The following ANK3 variants were observed in gnomAD, a reference collection of about 807,000 sequenced individuals.
ANK3 encodes ankyrin-3.
ANK3 carries 57 observed loss-of-function variants against 370.9 expected under a neutral mutation model. The ratio of observed to expected loss-of-function variants is 0.15; its 90% CI spans 0.12 to 0.19. The LOEUF is 0.19. Ranked by LOEUF, ANK3 falls within the 10% of genes least tolerant of loss-of-function variation. The pLI is 1.00. For synonymous variants in ANK3, 1,929 were observed against 1,946.3 expected, an observed-to-expected ratio of 0.99 and a Z score of 0.23; for missense variants, 4,439 against 5,302.1, an observed-to-expected ratio of 0.84 and a Z score of 5.06.
intron 25 of ANK3, among the ~76,000 whole-genome samples, chr10:60,124,727 C>A (rs1211467348): frequency 1.3e-5 from 2 of 152,130 alleles, no homozygotes; most frequent in African/African-American, 4.8e-5. Context: ...GGCACTATTG[C>A]CTAGTGGCCA....
At chr10:60,717,702 T>G (rs1381780145) in intron 1 of ANK3, among the ~76,000 whole-genome samples, 1 of 152,214 alleles carries the variant, frequency 6.6e-6, no homozygotes, top group Non-Finnish European at 1.5e-5. Flanking sequence ...AAACTCAGAT[T>G]AGTCTGACTC....
chr10:60,283,954 G>A (rs1433305775), intron 1 of ANK3, among the ~76,000 whole-genome samples: 1 of 152,048 alleles, frequency 6.6e-6, no homozygotes, highest in Non-Finnish European at 1.5e-5. Flanking sequence ...AAGTAATGTA[G>A]TGGGTTGAAT....
intron 1 of ANK3, among the ~76,000 whole-genome samples, chr10:60,310,615 A>T (rs967786805): frequency 6.6e-6 from 1 of 152,220 alleles, no homozygotes. Context: ...TAATAAATCA[A>T]TGTGACGGTG....
chr10:60,691,903 C>T (rs573518678), intron 1 of ANK3, among the ~76,000 whole-genome samples: 7 of 152,228 alleles, frequency 4.6e-5, no homozygotes, highest in South Asian at 2.1e-4. Context: ...TGTACCTGTG[C>T]CAAAAACTGA....
intron 8 of ANK3, among the ~76,000 whole-genome samples, chr10:60,229,420 T>C (rs1320483097): frequency 6.6e-6 from 1 of 152,236 alleles, no homozygotes; most frequent in Non-Finnish European, 1.5e-5. Context: ...GGATTTATTT[T>C]TAACTTTGGA....
intron 1 of ANK3, among the ~76,000 whole-genome samples, chr10:60,321,944 G>A (rs1042528098): frequency 6.6e-6 from 1 of 152,094 alleles, no homozygotes; most frequent in Non-Finnish European, 1.5e-5. Context: ...TGGGGGGTGC[G>A]AGCTGGCAGA....
At chr10:60,537,690 G>A (rs536899711) in intron 2 of ANK3, among the ~76,000 whole-genome samples, 213 of 151,962 alleles carry the variant, frequency 1.4e-3, no homozygotes, top group African/African-American at 4.9e-3. Flanking sequence ...TAAAAATAAG[G>A]TATTGCACAA....
intron 1 of ANK3, among the ~76,000 whole-genome samples, chr10:60,620,094 ACT>A (rs1262667332): frequency 6.6e-6 from 1 of 152,166 alleles, no homozygotes; most frequent in Admixed American, 6.6e-5. Flanking sequence ...AAGATTGAAC[ACT>A]GTTTATAATA....
intron 1 of ANK3, among the ~76,000 whole-genome samples, chr10:60,653,309 G>A (rs1044690205): frequency 2.6e-5 from 4 of 151,944 alleles, no homozygotes; most frequent in Non-Finnish European, 4.4e-5. Context: ...GTTACAATAC[G>A]TTAGGGTTAG....
At chr10:60,684,248 G>A (rs960926816) in intron 1 of ANK3, among the ~76,000 whole-genome samples, 17 of 152,218 alleles carry the variant, frequency 1.1e-4, no homozygotes, top group African/African-American at 4.1e-4. Flanking sequence ...GGTCTGTTGC[G>A]TGGAGCTGCC....
At chr10:60,364,909 AAAGACAAC>A (rs2059185022) in intron 1 of ANK3, among the ~76,000 whole-genome samples, 1 of 151,880 alleles carries the variant, frequency 6.6e-6, no homozygotes, top group Non-Finnish European at 1.5e-5. Context: ...TCCAAAGGGT[AAAGACAAC>A]ATCCACCTTT....
intron 2 of ANK3, among the ~76,000 whole-genome samples, chr10:60,449,427 G>T (rs1305760247): frequency 6.6e-6 from 1 of 152,122 alleles, no homozygotes; most frequent in Non-Finnish European, 1.5e-5. Context: ...TATTTCAAGT[G>T]TTCAGTAGCC....
rs60541532 is a variant in ANK3, at chr10:60,131,228, C to T, written c.2841+3043G>A. Among the ~76,000 whole-genome samples, 1,211 of 152,230 alleles carry T rather than the reference C, an allele frequency of 8.0e-3. 19 individuals are homozygous for T. Among genetic ancestry groups the T allele is most frequent in the African/African-American group, 0.027 (1,137 of 41,552 alleles). On this transcript the variant is annotated intron_variant, in intron 25 of 43. Transcript: ENST00000280772. Reference sequence around the variant, plus strand: ...GATATCTCCAAGACATTTTCAAATGCCCCCAACAGTCCCTAAAATGTCTTT... The same window carrying T: ...GATATCTCCAAGACATTTTCAAATGTCCCCAACAGTCCCTAAAATGTCTTT...
chr10:60,510,331 G>T (rs971573559), intron 2 of ANK3, among the ~76,000 whole-genome samples: 2 of 151,956 alleles, frequency 1.3e-5, no homozygotes, highest in African/African-American at 4.8e-5. Flanking sequence ...CACATGCGTG[G>T]TTTTCTCCCT....
intron 43 of ANK3, among the ~76,000 whole-genome samples, chr10:60,036,814 C>T (rs2075109027): frequency 6.6e-6 from 1 of 152,076 alleles, no homozygotes; most frequent in South Asian, 2.1e-4. Context: ...CTTCAGTTTT[C>T]TCCCTAGGTA....
intron 1 of ANK3, among the ~76,000 whole-genome samples, chr10:60,318,141 C>G (rs1036101454): frequency 1.3e-5 from 2 of 152,082 alleles, no homozygotes; most frequent in African/African-American, 4.8e-5. Flanking sequence ...GCAGGATGTG[C>G]AGGTTTGTTA....
At chr10:60,107,077 T>G (rs764904815) in intron 27 of ANK3, among the ~76,000 whole-genome samples, 1 of 152,118 alleles carries the variant, frequency 6.6e-6, no homozygotes, top group African/African-American at 2.4e-5. Flanking sequence ...AATAAAAACA[T>G]GAATATCGAT....
chr10:60,464,668 T>C (rs1020175130), intron 2 of ANK3, among the ~76,000 whole-genome samples: 2 of 152,224 alleles, frequency 1.3e-5, no homozygotes, highest in African/African-American at 4.8e-5. Context: ...TTTCAAAAAT[T>C]ATGTTTAGCT....
chr10:60,644,226 G>A (rs1413890862), intron 1 of ANK3, among the ~76,000 whole-genome samples: 1 of 152,144 alleles, frequency 6.6e-6, no homozygotes, highest in African/African-American at 2.4e-5. Flanking sequence ...TATCAGGCAT[G>A]GTCAATCTCT....
Sources: allele counts gnomAD v4.1 joint callset (sites outside exome capture counted in the v4.1 genomes callset), GRCh38; gene constraint gnomAD v4.1.1; transcripts MANE v1.5; gene names NCBI Gene and HGNC (gene_info 2026-07-23, HGNC 2026-07-21).